SLC35D1: variants seen among roughly 807,000 people sequenced by gnomAD.
The protein encoded by SLC35D1 is solute carrier family 35 member D1, also known as nucleotide sugar transporter SLC35D1.
SLC35D1 carries 31 observed loss-of-function variants against 46.7 expected under a neutral mutation model. The observed-to-expected ratio is 0.66, with a 90% CI of 0.50 to 0.90. SLC35D1 has a LOEUF of 0.90. Among genes scored for constraint, SLC35D1 ranks in the 40% least tolerant of loss-of-function variants. SLC35D1 has a pLI of 0.00. For missense variants in SLC35D1, 397 were observed against 426.2 expected, an observed-to-expected ratio of 0.93 and a Z score of 0.60; for synonymous variants, 195 against 164.6, an observed-to-expected ratio of 1.18 and a Z score of -1.41.
rs774481644 is a variant in SLC35D1, at chr1:67,052,869, A to G, written c.238-12T>C. On this transcript the variant is annotated splice_polypyrimidine_tract_variant and intron_variant, in intron 2 of 11. Transcript: ENST00000235345. The stretch of plus-strand genomic sequence containing the variant: ...ACTGTGGCCACCATCTGTAAACAAG[A>G]GAACACAGATTCACTGTTCTACACA... 6 of 1,614,148 alleles carry G rather than the reference A, an allele frequency of 3.7e-6. No homozygotes were observed. Among genetic ancestry groups the G allele is most frequent in the Non-Finnish European group, 5.1e-6 (6 of 1,179,970 alleles).
the SLC35D1 span, among the ~76,000 whole-genome samples, chr1:66,979,561 T>G: frequency 6.6e-6 from 1 of 152,204 alleles, no homozygotes; most frequent in Non-Finnish European, 1.5e-5. Flanking sequence ...AACTAAACAT[T>G]AACTCAGCAT....
At chr1:67,012,887 T>C (rs1053357072) in intron 10 of SLC35D1, among the ~76,000 whole-genome samples, 3 of 152,076 alleles carry the variant, frequency 2.0e-5, no homozygotes, top group Admixed American at 6.6e-5. Flanking sequence ...TTTGACTTTT[T>C]GGGGTACCCA....
At chr1:67,039,415 C>G (rs1668193138) in intron 8 of SLC35D1, among the ~76,000 whole-genome samples, 1 of 151,900 alleles carries the variant, frequency 6.6e-6, no homozygotes, top group Non-Finnish European at 1.5e-5. Context: ...GTTCTACTTA[C>G]CCTGTTCCCA....
chr1:67,031,935 A>T, intron 8 of SLC35D1: 1 of 497,424 alleles, frequency 2.0e-6, no homozygotes, highest in Non-Finnish European at 2.6e-6. Context: ...TTTGTTAATC[A>T]GGAAAAAAAC....
At chr1:66,995,845 G>C (rs992884915), downstream of SLC35D1, among the ~76,000 whole-genome samples, 14 of 152,054 alleles carry the variant, frequency 9.2e-5, no homozygotes, top group African/African-American at 3.4e-4. Flanking sequence ...TCATAATTCT[G>C]TCATCATTTG....
chr1:67,006,330 TGAAGTCTTTTTTG>T (rs1667446660), intron 11 of SLC35D1, among the ~76,000 whole-genome samples: 1 of 152,186 alleles, frequency 6.6e-6, no homozygotes, highest in Non-Finnish European at 1.5e-5. Flanking sequence ...GATGGCTTAC[TGAAGTCTTTTTTG>T]ACTGAAGCTA....
the SLC35D1 span, among the ~76,000 whole-genome samples, chr1:66,989,523 C>T: frequency 6.6e-6 from 1 of 152,170 alleles, no homozygotes; most frequent in African/African-American, 2.4e-5. Context: ...AGTGCAGTGG[C>T]AAGATCATGG....
intron 8 of SLC35D1, chr1:67,032,170 T>G (rs1435340945): frequency 1.2e-6 from 1 of 819,022 alleles, no homozygotes; most frequent in Non-Finnish European, 1.5e-6. Context: ...AATAAAGTCT[T>G]TAGCGCTACA....
chr1:67,027,774 G>A (rs946060629), intron 8 of SLC35D1, among the ~76,000 whole-genome samples: 3 of 151,974 alleles, frequency 2.0e-5, no homozygotes, highest in African/African-American at 7.3e-5. Context: ...GTCTGTTGCC[G>A]AGGCTGGAGT....
chr1:66,977,816 A>AG, the SLC35D1 span, among the ~76,000 whole-genome samples: 26 of 152,294 alleles, frequency 1.7e-4, no homozygotes, highest in African/African-American at 6.3e-4. Flanking sequence ...AAAATAATGC[A>AG]AAATAAAAAA....
chr1:66,986,057 A>G, the SLC35D1 span: 3 of 1,014,478 alleles, frequency 3.0e-6, no homozygotes, highest in Non-Finnish European at 3.5e-6. Context: ...TAAACAGAGG[A>G]GGGGGGTCAA....
chr1:67,009,168 C>A lies in SLC35D1; in HGVS notation c.877-1G>T. The A allele has an allele frequency of 8.1e-7, 1 of 1,230,838 alleles. No homozygotes were observed. Among genetic ancestry groups the A allele is most frequent in the South Asian group, 1.4e-5 (1 of 70,028 alleles). 76.2% of individuals were successfully genotyped at this position (1,230,838 alleles called of 1,614,324 possible). A position where few individuals can be genotyped will look rare whatever the true frequency, so the allele number is the denominator to read the frequency against. Reference sequence around the variant, plus strand: ...TTCCAATATAAGTTATTAATATATTCTAAAAATAAAAATAGTAATATACTG... The same window carrying A: ...TTCCAATATAAGTTATTAATATATTATAAAAATAAAAATAGTAATATACTG... On this transcript the variant is annotated splice_acceptor_variant, in intron 10 of 11. Transcript: ENST00000235345. LOFTEE classifies it high-confidence loss of function.
chr1:67,013,424 A>G (rs6667916), intron 10 of SLC35D1, among the ~76,000 whole-genome samples: 273 of 151,888 alleles, frequency 1.8e-3, no homozygotes, highest in Non-Finnish European at 3.3e-3. Flanking sequence ...TCATGGTCAC[A>G]AGTGTCTGTA....
chr1:66,986,542 A>G, the SLC35D1 span: 7 of 1,201,938 alleles, frequency 5.8e-6, no homozygotes, highest in Non-Finnish European at 8.7e-6. Flanking sequence ...GCACTGAGAA[A>G]TTAGCATTCA....
intron 6 of SLC35D1, among the ~76,000 whole-genome samples, chr1:67,049,564 T>C (rs1224949216): frequency 6.6e-6 from 1 of 152,212 alleles, no homozygotes; most frequent in African/African-American, 2.4e-5. Context: ...AAATTCTAAA[T>C]TACATCAATT....
At chr1:67,030,818 AG>A (rs529173547) in intron 8 of SLC35D1, among the ~76,000 whole-genome samples, 361 of 152,324 alleles carry the variant, frequency 2.4e-3, no homozygotes, top group African/African-American at 8.3e-3. Context: ...ATAATCAAGC[AG>A]CAAATGATTA....
At chr1:67,024,117 G>A (rs1667869192) in intron 8 of SLC35D1, among the ~76,000 whole-genome samples, 1 of 151,162 alleles carries the variant, frequency 6.6e-6, no homozygotes, top group Admixed American at 6.6e-5. Flanking sequence ...GCTAATTTTT[G>A]TATTTTTTAG....
chr1:66,997,402 C>A (rs1480463213), downstream of SLC35D1, among the ~76,000 whole-genome samples: 1 of 149,992 alleles, frequency 6.7e-6, no homozygotes, highest in East Asian at 2.0e-4. Context: ...ACTCAGGAGG[C>A]TAGGGTAGGA....
intron 11 of SLC35D1, among the ~76,000 whole-genome samples, chr1:67,008,762 C>T (rs1297442246): frequency 1.3e-5 from 2 of 152,100 alleles, no homozygotes; most frequent in Non-Finnish European, 2.9e-5. Context: ...TCCACCACCA[C>T]GCCCAGGTAA....
Sources: gnomAD v4.1 joint callset for allele counts (sites outside exome capture counted in the v4.1 genomes callset) on GRCh38, gnomAD v4.1.1 for gene constraint, MANE v1.5 for transcripts, NCBI Gene and HGNC (gene_info 2026-07-23, HGNC 2026-07-21) for gene names.